The following PPME1 variants were observed in gnomAD, a reference collection of about 807,000 sequenced individuals.
PPME1 encodes the protein testicular secretory protein Li 39.
A neutral mutation model predicts 56.9 loss-of-function variants in PPME1; 17 were observed. That is an observed-to-expected ratio of 0.30 (90% CI 0.20 to 0.45). PPME1 has a LOEUF of 0.45. PPME1 is among the 20% of genes least tolerant of loss of function. The pLI is 1.00. For synonymous variants in PPME1, 122 were observed against 156.2 expected (o/e 0.78, Z 1.63); for missense variants, 357 against 483.2 (o/e 0.74, Z 2.45).
chr11:74,208,164 T>C (rs921967648), intron 3 of PPME1, among the ~76,000 whole-genome samples: 4 of 151,810 alleles, frequency 2.6e-5, no homozygotes, highest in South Asian at 2.1e-4. Flanking sequence ...ATACAAAAAT[T>C]AGCTGGGCAT....
intron 7 of PPME1, among the ~76,000 whole-genome samples, chr11:74,231,408 G>A (rs541191712): frequency 8.1e-4 from 124 of 152,266 alleles, no homozygotes; most frequent in Non-Finnish European, 8.8e-5. Context: ...AGCCACTGTT[G>A]CCTTTATTCT....
In PPME1 at chr11:74,222,317, G is replaced by A. The variant is rs1209005176; in HGVS notation, c.294G>A (p.Ala98=). Reference sequence around the variant, plus strand: ...ACTTTTCCTTTTTCTCCTAGGCAGCGATTATTAGTAGAGTTCAGTGTAGGA... The same window carrying A: ...ACTTTTCCTTTTTCTCCTAGGCAGCAATTATTAGTAGAGTTCAGTGTAGGA... The part of the protein sequence containing the change: ...SALSWAVFTA[A]IISRVQCRIV... Residue 98 remains alanine, a synonymous_variant, in exon 4 of 14, where the codon GCG becomes GCA. Transcript: ENST00000328257. The A allele has an allele frequency of 3.7e-6, 6 of 1,610,328 alleles. No individual in the cohort carries two copies. The highest frequency in any genetic ancestry group is 1.6e-4 in the Middle Eastern group (1 of 6,076).
chr11:74,225,198 AT>A lies in PPME1; in HGVS notation c.347-3del. ...GGAATTTTATTTTTAAAATATTTTCATTTTAGGTGAAACAAAGGTCAAGAAT... is the reference window on the plus strand; with the variant it reads ...GGAATTTTATTTTTAAAATATTTTCATTTAGGTGAAACAAAGGTCAAGAAT... On this transcript the variant is annotated splice_polypyrimidine_tract_variant and splice_region_variant and intron_variant, in intron 4 of 13. Coordinates refer to ENST00000328257, the MANE Select transcript of PPME1 (RefSeq NM_016147.3). 6.5e-7 allele frequency: 1 copy of A among 1,527,154 alleles called. No individual in the cohort carries two copies. The highest frequency in any genetic ancestry group is 8.9e-7 in the Non-Finnish European group (1 of 1,129,102). The allele number at this position is 1,527,154 out of a possible 1,614,324, so 94.6% of individuals were successfully genotyped here.
intron 9 of PPME1, among the ~76,000 whole-genome samples, chr11:74,240,299 G>A (rs77014245): frequency 0.01 from 1,531 of 152,220 alleles, 28 homozygotes; most frequent in African/African-American, 0.035. Context: ...TGCAAGAATT[G>A]TATTCCAAAC....
At chr11:74,181,185 C>T (rs1300762944) in intron 1 of PPME1, among the ~76,000 whole-genome samples, 4 of 151,830 alleles carry the variant, frequency 2.6e-5, no homozygotes. Context: ...GCTGGGACTA[C>T]AGGCGCCTGC....
At chr11:74,250,673 T>C (rs962137226) in intron 11 of PPME1, 2 of 370,906 alleles carry the variant, frequency 5.4e-6, no homozygotes, top group Non-Finnish European at 9.9e-6. Context: ...CCTACTGGAC[T>C]GTAAATCCCC....
intron 13 of PPME1, among the ~76,000 whole-genome samples, chr11:74,253,037 CAG>C (rs1445798472): frequency 6.6e-6 from 1 of 152,174 alleles, no homozygotes; most frequent in African/African-American, 2.4e-5. Context: ...TCCCCACTCT[CAG>C]AAAGTTTGCA....
At chr11:74,234,340 T>C (rs990094700) in intron 7 of PPME1, among the ~76,000 whole-genome samples, 4 of 152,188 alleles carry the variant, frequency 2.6e-5, no homozygotes, top group Admixed American at 1.3e-4. Flanking sequence ...ATAGTTAATA[T>C]TTAAAAGTGA....
chr11:74,243,773 T>G (rs1454634419), intron 9 of PPME1, among the ~76,000 whole-genome samples: 1 of 150,504 alleles, frequency 6.6e-6, no homozygotes, highest in Non-Finnish European at 1.5e-5. Flanking sequence ...TTCTTTTCCT[T>G]TCTTTCTTTC....
Position 74,239,128 on chromosome 11 carries a change from C to A in PPME1, c.711-5C>A, listed in dbSNP as rs570688936. ...GTGTAATAGCACTTTTTTAAAAAAACCTAGGTGTGAAGGAATTACAAGTCC... is the reference window on the plus strand; with the variant it reads ...GTGTAATAGCACTTTTTTAAAAAAAACTAGGTGTGAAGGAATTACAAGTCC... On this transcript the variant is annotated splice_polypyrimidine_tract_variant and splice_region_variant and intron_variant, in intron 8 of 13. Transcript: ENST00000328257. 2 of 1,606,796 alleles carry A rather than the reference C, an allele frequency of 1.2e-6. No individual in the cohort carries two copies. Among genetic ancestry groups the A allele is most frequent in the African/African-American group, 1.3e-5 (1 of 74,256 alleles).
chr11:74,178,272 T>C (rs1281066599), intron 1 of PPME1, among the ~76,000 whole-genome samples: 1 of 152,226 alleles, frequency 6.6e-6, no homozygotes, highest in Non-Finnish European at 1.5e-5. Context: ...GCTAAGCTTG[T>C]CTTTTAATTT....
intron 13 of PPME1, among the ~76,000 whole-genome samples, chr11:74,252,922 G>A (rs866930890): frequency 2.6e-5 from 4 of 152,166 alleles, no homozygotes; most frequent in South Asian, 2.1e-4. Flanking sequence ...AGTCTGTACT[G>A]CAGAAGGCCT....
At chr11:74,191,421 A>G (rs1013593346) in intron 1 of PPME1, among the ~76,000 whole-genome samples, 29 of 152,366 alleles carry the variant, frequency 1.9e-4, no homozygotes, top group African/African-American at 6.3e-4. Context: ...GCCCTCTGGT[A>G]GAAGAGGAAT....
At chr11:74,228,951 C>T (rs1235275686) in intron 5 of PPME1, among the ~76,000 whole-genome samples, 2 of 152,154 alleles carry the variant, frequency 1.3e-5, no homozygotes, top group African/African-American at 4.8e-5. Flanking sequence ...CTTTGGATGA[C>T]TGCCTGAACT....
At position 74,230,235 on chromosome 11, in the gene PPME1, C is replaced by T. The variant is rs1180554708; in HGVS notation, c.399-10C>T. 6.3e-7 allele frequency: 1 copy of T among 1,589,876 alleles called. No homozygotes were observed. Among genetic ancestry groups the T allele is most frequent in the East Asian group, 2.2e-5 (1 of 44,648 alleles). On this transcript the variant is annotated splice_polypyrimidine_tract_variant and intron_variant, in intron 5 of 13. Coordinates refer to ENST00000328257, the MANE Select transcript of PPME1 (RefSeq NM_016147.3). This position sits in a 1 kb window ranked among gnomAD's most constrained non-coding sequence, Gnocchi z 4.9. ...AAGCATTCTTAGATCTTTTTCTCTT[C>T]TCTTTGCAGAGACGTTGGCAATGTG...
At chr11:74,182,827 G>A (rs1423073212) in intron 1 of PPME1, among the ~76,000 whole-genome samples, 6 of 152,034 alleles carry the variant, frequency 3.9e-5, no homozygotes, top group Non-Finnish European at 7.4e-5. Flanking sequence ...GTGTTCAATC[G>A]GGTGGGTTGA....
At chr11:74,201,523 GGAGT>G (rs1303416280) in intron 1 of PPME1, among the ~76,000 whole-genome samples, 1 of 152,206 alleles carries the variant, frequency 6.6e-6, no homozygotes, top group African/African-American at 2.4e-5. Context: ...AAGGATGAAA[GGAGT>G]GATACAGCAT....
rs745673326 is a variant in PPME1, at chr11:74,204,340, T to G, written c.196-13T>G. ...AGCAAAAACATAGATGTTTTATCTT[T>G]AACTATTCATACACTTTTCGAGTCT... On this transcript the variant is annotated splice_polypyrimidine_tract_variant and intron_variant, in intron 2 of 13. Transcript: ENST00000328257. 3 of 1,593,770 alleles carry G rather than the reference T, an allele frequency of 1.9e-6. No individual in the cohort carries two copies.
At chr11:74,252,651 C>A in intron 13 of PPME1, 2 of 400,926 alleles carry the variant, frequency 5.0e-6, no homozygotes, top group Non-Finnish European at 1.0e-5. Flanking sequence ...TTAGCAGTAT[C>A]CCTGGCTTTT....
Sources: gnomAD v4.1 joint callset for allele counts (sites outside exome capture counted in the v4.1 genomes callset) on GRCh38, gnomAD v4.1.1 for gene constraint, Gnocchi (gnomAD v3.1) non-coding constraint, MANE v1.5 for transcripts, NCBI Gene and HGNC (gene_info 2026-07-23, HGNC 2026-07-21) for gene names.